Variants in MECOM observed in about 807,000 individuals in gnomAD.
The protein encoded by MECOM is histone-lysine N-methyltransferase MECOM.
In MECOM, 13 loss-of-function variants were observed where a neutral mutation model predicts 116.3. The ratio of observed to expected loss-of-function variants is 0.11; its 90% confidence interval spans 0.07 to 0.18. MECOM has a LOEUF of 0.18. MECOM is among the 10% of genes least tolerant of loss of function. The probability of loss-of-function intolerance (pLI) is 1.00; values close to 1 mark genes in which losing one functional copy is unlikely to be tolerated. For missense variants in MECOM, 1,299 were observed against 1,509.0 expected (o/e 0.86, Z 2.31); for synonymous variants, 528 against 535.2 (o/e 0.99, Z 0.19).
intron 1 of MECOM, among the ~76,000 whole-genome samples, chr3:169,639,554 G>T (rs1773210779): frequency 6.6e-6 from 1 of 152,166 alleles, no homozygotes; most frequent in Non-Finnish European, 1.5e-5. Flanking sequence ...TAATCTATTA[G>T]ATTTTTCTGT....
intron 1 of MECOM, among the ~76,000 whole-genome samples, chr3:169,571,846 G>A (rs1322991607): frequency 6.6e-6 from 1 of 152,146 alleles, no homozygotes; most frequent in East Asian, 1.9e-4. Flanking sequence ...ACTAAAGATG[G>A]ATTAAAAACT....
intron 1 of MECOM, among the ~76,000 whole-genome samples, chr3:169,416,115 A>G (rs918411793): frequency 1.3e-5 from 2 of 152,204 alleles, no homozygotes; most frequent in Non-Finnish European, 2.9e-5. Flanking sequence ...AACCGACCAT[A>G]TAATTGGAAG....
chr3:169,626,688 C>A (rs1035576303), intron 1 of MECOM, among the ~76,000 whole-genome samples: 3 of 152,176 alleles, frequency 2.0e-5, no homozygotes, highest in Non-Finnish European at 4.4e-5. Context: ...TTAAAACACA[C>A]CTGGTTTCTA....
At chr3:169,120,094 A>T (rs1730475842) in intron 7 of MECOM, among the ~76,000 whole-genome samples, 1 of 152,182 alleles carries the variant, frequency 6.6e-6, no homozygotes, top group South Asian at 2.1e-4. Context: ...AGGTCTTGCC[A>T]AGTGCTGAGT....
intron 1 of MECOM, among the ~76,000 whole-genome samples, chr3:169,438,145 C>T (rs1743000371): frequency 6.6e-6 from 1 of 152,204 alleles, no homozygotes; most frequent in African/African-American, 2.4e-5. Flanking sequence ...CCCTGATTGT[C>T]TAGCTCTAGA....
chr3:169,498,276 C>A (rs1170754595), intron 1 of MECOM, among the ~76,000 whole-genome samples: 1 of 152,028 alleles, frequency 6.6e-6, no homozygotes, highest in Admixed American at 6.6e-5. Context: ...ATTTTTAAAT[C>A]CCACGAAAAT....
chr3:169,130,202 A>C (rs946575021), intron 4 of MECOM, among the ~76,000 whole-genome samples: 6 of 152,210 alleles, frequency 3.9e-5, no homozygotes, highest in Non-Finnish European at 5.9e-5. Context: ...CCTAATCATT[A>C]ATATTAAATA....
At position 169,083,744 on chromosome 3, in the gene MECOM, C is replaced by T. The variant is rs776633195; in HGVS notation, c.*1165G>A. 9.6e-6 allele frequency: 2 copies of T among 207,454 alleles called. No individual in the cohort carries two copies. The highest frequency in any genetic ancestry group is 2.0e-5 in the Non-Finnish European group (2 of 101,614). 12.9% of individuals were successfully genotyped at this position (207,454 alleles called of 1,614,324 possible). Reference sequence around the variant, plus strand: ...ATAAGGTTGGGAACACTTCATTTTACAAATAGGATTAACATGAACATAACA... The same window carrying T: ...ATAAGGTTGGGAACACTTCATTTTATAAATAGGATTAACATGAACATAACA... On this transcript the variant is annotated 3_prime_UTR_variant, in exon 17 of 17. Coordinates refer to ENST00000651503, the MANE Select transcript of MECOM (RefSeq NM_004991.4).
chr3:169,167,916 T>C (rs1743836032), intron 2 of MECOM, among the ~76,000 whole-genome samples: 2 of 149,944 alleles, frequency 1.3e-5, no homozygotes, highest in African/African-American at 4.9e-5. Flanking sequence ...ACAGTGTTAG[T>C]ATCCACCCAG....
At chr3:169,448,100 C>T (rs1918974) in intron 1 of MECOM, among the ~76,000 whole-genome samples, 87,223 of 151,888 alleles carry the variant, frequency 0.57, 25,496 homozygotes, top group East Asian at 0.9. Flanking sequence ...GTGATGATGG[C>T]AACCAATGGT....
At chr3:169,489,048 G>A (rs1330013814) in intron 1 of MECOM, among the ~76,000 whole-genome samples, 1 of 151,886 alleles carries the variant, frequency 6.6e-6, no homozygotes, top group Non-Finnish European at 1.5e-5. Context: ...AATTTAAAGG[G>A]GGAATACAGA....
intron 2 of MECOM, among the ~76,000 whole-genome samples, chr3:169,265,064 G>T (rs1230751521): frequency 6.6e-6 from 1 of 152,004 alleles, no homozygotes; most frequent in Non-Finnish European, 1.5e-5. Flanking sequence ...AAGCTCAGTT[G>T]CCAATATTCT....
At chr3:169,231,691 T>G (rs1471138334) in intron 2 of MECOM, among the ~76,000 whole-genome samples, 1 of 148,630 alleles carries the variant, frequency 6.7e-6, no homozygotes, top group East Asian at 2.0e-4. Flanking sequence ...AGGAACAGAA[T>G]AGAAACCAGT....
chr3:169,240,979 T>C (rs1435002852), intron 2 of MECOM, among the ~76,000 whole-genome samples: 1 of 152,144 alleles, frequency 6.6e-6, no homozygotes, highest in African/African-American at 2.4e-5. Context: ...GCAATGTGAG[T>C]AGCTGCAGGT....
At chr3:169,135,040 G>C (rs1189830226) in intron 3 of MECOM, among the ~76,000 whole-genome samples, 2 of 149,580 alleles carry the variant, frequency 1.3e-5, no homozygotes, top group Admixed American at 7.0e-5. Context: ...GTTTGACCAT[G>C]CTTATAAAAT....
At chr3:169,471,430 T>C (rs1749223727) in intron 1 of MECOM, among the ~76,000 whole-genome samples, 1 of 147,564 alleles carries the variant, frequency 6.8e-6, no homozygotes, top group South Asian at 2.2e-4. Context: ...CTAGCAAGCA[T>C]TGAATACATA....
chr3:169,268,105 C>A (rs1166092213), intron 2 of MECOM, among the ~76,000 whole-genome samples: 1 of 152,114 alleles, frequency 6.6e-6, no homozygotes. Context: ...ACAATCCAAA[C>A]AATCTTTCTC....
chr3:169,569,330 A>C (rs927854935), intron 1 of MECOM, among the ~76,000 whole-genome samples: 2 of 152,196 alleles, frequency 1.3e-5, no homozygotes, highest in African/African-American at 4.8e-5. Context: ...AGATTCATAA[A>C]CCAAGCTCTT....
At chr3:169,400,073 C>T (rs919112732) in intron 1 of MECOM, among the ~76,000 whole-genome samples, 7 of 152,122 alleles carry the variant, frequency 4.6e-5, no homozygotes, top group African/African-American at 7.2e-5. Context: ...TGAAATTTGA[C>T]GTTCATTTTA....
Sources: allele counts gnomAD v4.1 joint callset (sites outside exome capture counted in the v4.1 genomes callset), GRCh38; gene constraint gnomAD v4.1.1; transcripts MANE v1.5; gene names NCBI Gene and HGNC (gene_info 2026-07-23, HGNC 2026-07-21).